The following RABGEF1 variants were observed in gnomAD, a reference collection of about 807,000 sequenced individuals.
RABGEF1 encodes RAB guanine nucleotide exchange factor 1, also known as rab5 GDP/GTP exchange factor.
In RABGEF1, 26 loss-of-function variants were observed where a neutral mutation model predicts 57.3. That is an observed-to-expected ratio of 0.45 (90% CI 0.33 to 0.63). The LOEUF is 0.63. RABGEF1 is among the 20% of genes least tolerant of loss of function. RABGEF1 has a pLI of 0.02. For synonymous variants in RABGEF1, 185 were observed against 210.7 expected (o/e 0.88, Z 1.06); for missense variants, 464 against 607.6 (o/e 0.76, Z 2.48).
chr7:66,693,056 T>G (rs1584693574), intron 1 of RABGEF1, among the ~76,000 whole-genome samples: 1 of 152,154 alleles, frequency 6.6e-6, no homozygotes, highest in Non-Finnish European at 1.5e-5. Context: ...AGCCGGCTGG[T>G]CCCGTGGCCT....
Position 66,789,447 on chromosome 7 carries a change from C to G in RABGEF1, c.513+5606C>G, listed in dbSNP as rs1812041406. Among the ~76,000 whole-genome samples the G allele has an allele frequency of 2.6e-5, 4 of 152,036 alleles. No individual in the cohort carries two copies. In the South Asian group the frequency reaches 8.3e-4, roughly 32 times the overall value. On this transcript the variant is annotated intron_variant, in intron 4 of 8. Transcript: ENST00000284957. ...CCTGTAATCCCAGCACTTTGGGAGG[C>G]TGAGATGGGCGGATCACAAGGTCAG...
At chr7:66,753,701 G>GTCT (rs1801981206) in intron 1 of RABGEF1, among the ~76,000 whole-genome samples, 1 of 78,764 alleles carries the variant, frequency 1.3e-5, no homozygotes, top group African/African-American at 4.7e-5. Context: ...TTTTGCCATC[G>GTCT]TTTTTTTTTT....
chr7:66,766,697 C>T (rs1159442604), intron 1 of RABGEF1, among the ~76,000 whole-genome samples: 1 of 147,910 alleles, frequency 6.8e-6, no homozygotes, highest in African/African-American at 2.5e-5. Context: ...TCTTTCCATT[C>T]CCACTGTTAC....
chr7:66,670,882 TACAC>T, the RABGEF1 span, among the ~76,000 whole-genome samples: 5 of 140,732 alleles, frequency 3.6e-5, no homozygotes, highest in East Asian at 1.0e-3. Flanking sequence ...ATTTATTTAA[TACAC>T]ATACGTATAC....
At chr7:66,789,128 A>T (rs1194660858) in intron 4 of RABGEF1, among the ~76,000 whole-genome samples, 2 of 152,088 alleles carry the variant, frequency 1.3e-5, no homozygotes, top group Non-Finnish European at 2.9e-5. Flanking sequence ...CCTTAAAATG[A>T]CTCTATTGTT....
At chr7:66,769,163 G>A (rs1806463283) in intron 1 of RABGEF1, 1 of 152,376 alleles carries the variant, frequency 6.6e-6, no homozygotes, top group Admixed American at 6.5e-5. Context: ...GGAAGAAAGT[G>A]GTAATCTCTT....
chr7:66,772,778 G>A (rs1156732020), intron 2 of RABGEF1, among the ~76,000 whole-genome samples: 2 of 151,934 alleles, frequency 1.3e-5, no homozygotes, highest in Admixed American at 1.3e-4. Context: ...CGGGCATGGT[G>A]GTACGCATTT....
chr7:66,674,930 T>C, the RABGEF1 span, among the ~76,000 whole-genome samples: 1 of 141,266 alleles, frequency 7.1e-6, no homozygotes, highest in Non-Finnish European at 1.5e-5. Context: ...ATTTGTTGAC[T>C]ATTTCACCTC....
the RABGEF1 span, among the ~76,000 whole-genome samples, chr7:66,663,320 C>G: frequency 2.6e-5 from 4 of 152,216 alleles, no homozygotes; most frequent in East Asian, 7.7e-4. Context: ...TTTCCCACTT[C>G]ACGCCTCTAT....
At chr7:66,680,639 C>T (rs1789643050), upstream of RABGEF1, among the ~76,000 whole-genome samples, 1 of 151,916 alleles carries the variant, frequency 6.6e-6, no homozygotes, top group Non-Finnish European at 1.5e-5. Flanking sequence ...TCCACTTTAC[C>T]AATAATGAGC....
intron 1 of RABGEF1, among the ~76,000 whole-genome samples, chr7:66,705,453 G>T (rs562798922): frequency 1.4e-3 from 175 of 127,938 alleles, no homozygotes; most frequent in African/African-American, 5.0e-3. Context: ...AAGAGAGAGA[G>T]AGAGAGAGAG....
At chr7:66,785,258 C>CA (rs1810890470) in intron 4 of RABGEF1, among the ~76,000 whole-genome samples, 1 of 152,214 alleles carries the variant, frequency 6.6e-6, no homozygotes, top group African/African-American at 2.4e-5. Context: ...CATATGGCCT[C>CA]AGATTCCTCC....
At chr7:66,660,607 T>C in the RABGEF1 span, among the ~76,000 whole-genome samples, 1 of 151,882 alleles carries the variant, frequency 6.6e-6, no homozygotes, top group Admixed American at 6.6e-5. Context: ...CACTCCAGCC[T>C]GGGGGACAAG....
the RABGEF1 span, among the ~76,000 whole-genome samples, chr7:66,673,108 GA>G: frequency 0.036 from 4,986 of 139,650 alleles, 114 homozygotes; most frequent in East Asian, 0.075. Context: ...GCCACAGCTA[GA>G]GAGTGACAGC....
chr7:66,808,396 A>C (rs993837727), intron 8 of RABGEF1, among the ~76,000 whole-genome samples: 1 of 152,018 alleles, frequency 6.6e-6, no homozygotes, highest in Non-Finnish European at 1.5e-5. Context: ...TTGTATTTTT[A>C]GTAGAGATGG....
At chr7:66,729,506 T>C (rs113855436) in intron 2 of RABGEF1, among the ~76,000 whole-genome samples, 178 of 2,170 alleles carry the variant, frequency 0.082, 1 homozygote, top group African/African-American at 0.19. Flanking sequence ...ATCCTCACCT[T>C]CAACCTCACC....
intron 4 of RABGEF1, among the ~76,000 whole-genome samples, chr7:66,791,238 G>A (rs1397938637): frequency 6.6e-6 from 1 of 152,038 alleles, no homozygotes; most frequent in Non-Finnish European, 1.5e-5. Flanking sequence ...CCTTTATTTT[G>A]CCAGTAATTG....
the RABGEF1 span, among the ~76,000 whole-genome samples, chr7:66,659,315 G>T: frequency 6.6e-6 from 1 of 151,926 alleles, no homozygotes; most frequent in Non-Finnish European, 1.5e-5. Context: ...AGCTAGGCAT[G>T]GTGGTGGGTG....
At position 66,809,229 on chromosome 7, in the gene RABGEF1, A is replaced by C; in HGVS notation, c.1421A>C (p.Asn474Thr). 6.2e-7 allele frequency: 1 copy of C among 1,612,810 alleles called. No individual in the cohort carries two copies. Among genetic ancestry groups the C allele is most frequent in the Non-Finnish European group, 8.5e-7 (1 of 1,179,188 alleles). Reference protein sequence around the residue: ...NQPLAAIDSENVENDKLPPPL... With the variant: ...NQPLAAIDSETVENDKLPPPL... ...CCGTTAGCAGCTATTGACTCTGAAA[A>C]CGTTGAAAATGATAAACTTCCTCCA... The change falls in exon 9 of 9, where the codon AAC (asparagine) becomes ACC (threonine). Residue 474 changes from asparagine to threonine, a missense_variant. Physicochemically the swap from Asn to Thr is moderately conservative, Grantham distance 65 (BLOSUM62 0). Coordinates refer to ENST00000284957, the MANE Select transcript of RABGEF1 (RefSeq NM_014504.3).
Sources: gnomAD v4.1 joint callset for allele counts (sites outside exome capture counted in the v4.1 genomes callset) on GRCh38, gnomAD v4.1.1 for gene constraint, MANE v1.5 for transcripts, NCBI Gene and HGNC (gene_info 2026-07-23, HGNC 2026-07-21) for gene names.